Variants in GPR39 observed in about 807,000 individuals in gnomAD.
GPR39 encodes zinc sensing receptor.
In GPR39, 23 loss-of-function variants were observed where a neutral mutation model predicts 18.4. The observed-to-expected ratio is 1.25, with a 90% CI of 0.90 to 1.77. The LOEUF is 1.77. Among genes scored for constraint, GPR39 ranks in the 40% most tolerant of loss-of-function variants. The pLI, the probability that GPR39 is intolerant of heterozygous loss-of-function variation, is 0.00. For missense variants in GPR39, 647 were observed against 602.4 expected (o/e 1.07, Z -0.78); for synonymous variants, 280 against 257.9 (o/e 1.09, Z -0.82).
chr2:132,461,137 C>G (rs1237426001), intron 1 of GPR39, among the ~76,000 whole-genome samples: 1 of 152,136 alleles, frequency 6.6e-6, no homozygotes, highest in Non-Finnish European at 1.5e-5. Flanking sequence ...CGTATAAGAC[C>G]CTTGTGGGTA....
chr2:132,430,533 T>G (rs13420028), intron 1 of GPR39, among the ~76,000 whole-genome samples: 33,263 of 152,086 alleles, frequency 0.22, 3,827 homozygotes, highest in African/African-American at 0.27. Flanking sequence ...GAACCAGATT[T>G]ATCAGGGACC....
intron 1 of GPR39, among the ~76,000 whole-genome samples, chr2:132,582,964 A>G (rs1275152571): frequency 8.4e-6 from 1 of 119,192 alleles, no homozygotes; most frequent in African/African-American, 3.4e-5. Flanking sequence ...TCTGTTGCCT[A>G]GGTTGCAGTG....
intron 1 of GPR39, among the ~76,000 whole-genome samples, chr2:132,540,037 C>A (rs1679834772): frequency 6.6e-6 from 1 of 152,056 alleles, no homozygotes; most frequent in Non-Finnish European, 1.5e-5. Flanking sequence ...ATTAAGAAGA[C>A]CAAGAAAATC....
intron 1 of GPR39, among the ~76,000 whole-genome samples, chr2:132,642,060 T>A (rs565650117): frequency 1.6e-4 from 24 of 152,208 alleles, no homozygotes; most frequent in Non-Finnish European, 3.2e-4. Flanking sequence ...CAGGTTGTTG[T>A]CAGGAGTGAG....
intron 1 of GPR39, chr2:132,604,596 T>C (rs1681101147): frequency 6.6e-6 from 1 of 152,230 alleles, no homozygotes. Context: ...GAGACAGACT[T>C]TTAAACAACT....
At chr2:132,447,277 G>A (rs749123461) in intron 1 of GPR39, among the ~76,000 whole-genome samples, 10 of 152,172 alleles carry the variant, frequency 6.6e-5, no homozygotes, top group Non-Finnish European at 1.3e-4. Flanking sequence ...GAGCCTAGGA[G>A]CTATTAGATA....
chr2:132,512,083 AAGGGTGTT>A (rs1476163962), intron 1 of GPR39, among the ~76,000 whole-genome samples: 4 of 152,102 alleles, frequency 2.6e-5, no homozygotes, highest in African/African-American at 9.7e-5. Flanking sequence ...TTCCTCTTCC[AAGGGTGTT>A]AGGCTGTACC....
rs543695288 is a variant in GPR39, at chr2:132,492,020, GCACATATATATACAC to G, written c.856+74149_856+74163del. Reference sequence around the variant, plus strand: ...TAAAGTAATTATATATATATACACAGCACATATATATACACCACATATATATACACCACATATATA... The same window carrying G: ...TAAAGTAATTATATATATATACACAGCACATATATATACACCACATATATA... On this transcript the variant is annotated intron_variant, in intron 1 of 1. Transcript: ENST00000329321. Among the ~76,000 whole-genome samples the G allele has an allele frequency of 9.9e-3, 1,485 of 149,988 alleles. 29 individuals carry two copies. Among genetic ancestry groups the G allele is most frequent in the African/African-American group, 0.035 (1,406 of 40,738 alleles).
At chr2:132,477,892 A>G (rs1343656187) in intron 1 of GPR39, among the ~76,000 whole-genome samples, 1 of 152,264 alleles carries the variant, frequency 6.6e-6, no homozygotes, top group Non-Finnish European at 1.5e-5. Context: ...AACACTGATT[A>G]GTGAACTTAG....
chr2:132,444,086 C>T (rs1318855797), intron 1 of GPR39, among the ~76,000 whole-genome samples: 5 of 152,040 alleles, frequency 3.3e-5, no homozygotes, highest in Non-Finnish European at 7.4e-5. Context: ...AAAAAATGGT[C>T]ATTATGAAGG....
At chr2:132,634,632 C>T (rs1159603966) in intron 1 of GPR39, among the ~76,000 whole-genome samples, 1 of 152,212 alleles carries the variant, frequency 6.6e-6, no homozygotes, top group African/African-American at 2.4e-5. Flanking sequence ...CTTCTGCACA[C>T]GTCCTCTAAG....
At chr2:132,513,291 C>T (rs983257208) in intron 1 of GPR39, among the ~76,000 whole-genome samples, 10 of 81,356 alleles carry the variant, frequency 1.2e-4, no homozygotes, top group Admixed American at 3.3e-4. Context: ...GTCTGCACCC[C>T]GTCTCTACTA....
intron 1 of GPR39, among the ~76,000 whole-genome samples, chr2:132,497,270 T>A (rs896708392): frequency 1.3e-5 from 2 of 152,088 alleles, no homozygotes; most frequent in Admixed American, 6.5e-5. Flanking sequence ...ACGGGAAAAT[T>A]GTCTTGATTT....
chr2:132,638,914 C>T (rs1377353163), intron 1 of GPR39, among the ~76,000 whole-genome samples: 1 of 152,168 alleles, frequency 6.6e-6, no homozygotes, highest in Non-Finnish European at 1.5e-5. Flanking sequence ...TTGTTGCAAC[C>T]ACGCTGAGCC....
intron 1 of GPR39, among the ~76,000 whole-genome samples, chr2:132,614,239 C>T (rs1250232040): frequency 6.6e-6 from 1 of 150,980 alleles, no homozygotes; most frequent in Admixed American, 6.6e-5. Flanking sequence ...CAGAGTCTTG[C>T]TCTGTCGCAC....
intron 1 of GPR39, among the ~76,000 whole-genome samples, chr2:132,428,304 G>A (rs534820698): frequency 9.2e-5 from 14 of 152,068 alleles, no homozygotes; most frequent in Non-Finnish European, 1.8e-4. Flanking sequence ...GCTTAACATC[G>A]TTTGTACCAT....
At chr2:132,509,937 G>C (rs1679209908) in intron 1 of GPR39, among the ~76,000 whole-genome samples, 1 of 152,300 alleles carries the variant, frequency 6.6e-6, no homozygotes, top group Non-Finnish European at 1.5e-5. Context: ...TGGTAGGAGA[G>C]GGGCTCTTGG....
intron 1 of GPR39, among the ~76,000 whole-genome samples, chr2:132,643,076 G>A (rs182262172): frequency 2.6e-3 from 396 of 152,172 alleles, no homozygotes; most frequent in Non-Finnish European, 3.9e-3. Context: ...GAAAAGTCCC[G>A]GATTTCTTAT....
chr2:132,580,960 CAA>C (rs538565776), intron 1 of GPR39, among the ~76,000 whole-genome samples: 2 of 55,276 alleles, frequency 3.6e-5, no homozygotes, highest in African/African-American at 5.6e-5. Context: ...GACTCTGTCT[CAA>C]AAAAAAAAAA....
Sources: gnomAD v4.1 joint callset for allele counts (sites outside exome capture counted in the v4.1 genomes callset) on GRCh38, gnomAD v4.1.1 for gene constraint, MANE v1.5 for transcripts, NCBI Gene and HGNC (gene_info 2026-07-23, HGNC 2026-07-21) for gene names.